Variants in WDR1 observed in about 807,000 individuals in gnomAD.
The protein encoded by WDR1 is WD repeat-containing protein 1.
WDR1 carries 21 observed loss-of-function variants against 71.9 expected under a neutral mutation model. The observed-to-expected ratio is 0.29, with a 90% CI of 0.21 to 0.42. WDR1 has a LOEUF of 0.42. Among genes scored for constraint, WDR1 ranks in the 10% least tolerant of loss-of-function variants. The probability of loss-of-function intolerance (pLI) is 1.00; values close to 1 mark genes in which losing one functional copy is unlikely to be tolerated. For synonymous variants in WDR1, 424 were observed against 347.4 expected (o/e 1.22, Z -2.45); for missense variants, 696 against 824.5 (o/e 0.84, Z 1.91).
intron 14 of WDR1, chr4:10,075,790 A>G (rs1764778609): frequency 2.0e-6 from 1 of 491,102 alleles, no homozygotes; most frequent in Non-Finnish European, 3.7e-6. Flanking sequence ...GTTCCACAGG[A>G]GTGAAATAAC....
chr4:10,077,760 C>T lies in WDR1; in HGVS notation c.1562G>A (p.Gly521Asp), dbSNP rs1271079871. Residue 521 changes from glycine (G) to aspartate (D), a missense_variant, in exon 13 of 15, where the codon GGC becomes GAC. Physicochemically the swap from Gly to Asp is moderately conservative, Grantham distance 94. Transcript: ENST00000499869. ...GAGCCCGCCGCCACTCACCGAGTAG[C>T]CGTCAGCAACGCTGAACACTGTGAC... Reference protein sequence around the residue: ...KVVTVFSVADGYSENNVFYGH... With the variant: ...KVVTVFSVADDYSENNVFYGH... 3.8e-6 allele frequency: 6 copies of T among 1,585,790 alleles called. No homozygotes were observed. The South Asian group carries it at 4.6e-5, about 12-fold the overall frequency.
At chr4:10,098,536 C>T (rs1712498183) in intron 4 of WDR1, among the ~76,000 whole-genome samples, 1 of 152,186 alleles carries the variant, frequency 6.6e-6, no homozygotes, top group South Asian at 2.1e-4. Context: ...TCAGTAGCCA[C>T]CCAGTGCCAC....
chr4:10,097,991 G>T (rs1284285666), intron 4 of WDR1, 100 bp from the exon 5 acceptor site: 6 of 1,256,288 alleles, frequency 4.8e-6, no homozygotes, highest in South Asian at 1.6e-5. Flanking sequence ...GTGCACAGAG[G>T]ATGGAGTGAC....
In WDR1 at chr4:10,075,091, G is replaced by C. The variant is rs1230374778; in HGVS notation, c.*287C>G. ...TGTGCTTTGGAGGCTACTGCCTCTGGAATGTTTCGCATTCTCAAGGTTTGG... is the reference window on the plus strand; with the variant it reads ...TGTGCTTTGGAGGCTACTGCCTCTGCAATGTTTCGCATTCTCAAGGTTTGG... On this transcript the variant is annotated 3_prime_UTR_variant, in exon 15 of 15. Transcript: ENST00000499869. 4.2e-6 allele frequency: 2 copies of C among 478,070 alleles called. No homozygotes were observed. The highest frequency in any genetic ancestry group is 3.7e-5 in the Admixed American group (1 of 27,098). The allele number at this position is 478,070 out of a possible 1,614,324, so 29.6% of individuals were successfully genotyped here.
At chr4:10,112,365 T>C (rs1713435464) in intron 2 of WDR1, among the ~76,000 whole-genome samples, 1 of 152,150 alleles carries the variant, frequency 6.6e-6, no homozygotes, top group African/African-American at 2.4e-5. Flanking sequence ...CTAATGTCTC[T>C]CAAACACAGT....
chr4:10,110,874 A>G (rs148324808), intron 2 of WDR1, among the ~76,000 whole-genome samples: 62 of 152,338 alleles, frequency 4.1e-4, no homozygotes, highest in African/African-American at 1.5e-3. Context: ...ACGTTGCCAG[A>G]TATCCCTCAG....
intron 5 of WDR1, among the ~76,000 whole-genome samples, chr4:10,090,132 C>T (rs1482331589): frequency 6.6e-6 from 1 of 152,138 alleles, no homozygotes; most frequent in East Asian, 1.9e-4. Flanking sequence ...GGAGTGCGTC[C>T]CTGCCCACAC....
rs757524112 is a variant in WDR1, at chr4:10,075,349, G to T, written c.*29C>A. The T allele has an allele frequency of 1.9e-6, 3 of 1,598,630 alleles. No homozygotes were observed. In the Admixed American group the frequency reaches 5.0e-5, roughly 27 times the overall value. ...GCAGTTAAACTCTAGTCCCTGATTC[G>T]GTCCATCCAGAGGCGGGGGTGGGGC... is the stretch of plus-strand genomic sequence containing the variant. On this transcript the variant is annotated 3_prime_UTR_variant, in exon 15 of 15. Coordinates refer to ENST00000499869, the MANE Select transcript of WDR1 (RefSeq NM_017491.5).
At chr4:10,088,499 G>C (rs1258595634) in intron 6 of WDR1, 126 bp from the exon 7 acceptor site, 15 of 1,163,060 alleles carry the variant, frequency 1.3e-5, no homozygotes, top group Non-Finnish European at 1.8e-5. Context: ...TGGTTTAAAA[G>C]CAGACATGCA....
rs892800213 is a variant in WDR1, at chr4:10,116,748, G to C, written c.-82C>G. 159 of 1,260,192 alleles carry C rather than the reference G, an allele frequency of 1.3e-4. 1 individual carries two copies. Among genetic ancestry groups the C allele is most frequent in the Non-Finnish European group, 1.5e-4 (151 of 999,242 alleles). 78.1% of individuals were successfully genotyped at this position (1,260,192 alleles called of 1,614,324 possible). A position where few individuals can be genotyped will look rare whatever the true frequency, so the allele number is the denominator to read the frequency against. ...CTGCGAATTACACCTCGCCGAGGCC[G>C]AGCCCGGGGACTGGAGCCGGAAGGC... On this transcript the variant is annotated 5_prime_UTR_variant, in exon 1 of 15. Transcript: ENST00000499869.
intron 9 of WDR1, among the ~76,000 whole-genome samples, 178 bp downstream of exon 9, chr4:10,084,265 C>G (rs1245281866): frequency 6.6e-6 from 1 of 152,170 alleles, no homozygotes; most frequent in Non-Finnish European, 1.5e-5. Flanking sequence ...CTCCAGGGGA[C>G]AGTTGCCTGT....
chr4:10,093,286 G>T, intron 5 of WDR1: 1 of 466,880 alleles, frequency 2.1e-6, no homozygotes, highest in Non-Finnish European at 3.7e-6. Context: ...CCTATGAGCT[G>T]GTAGAAGGGG....
intron 2 of WDR1, chr4:10,106,412 G>T (rs1430247444): frequency 6.6e-6 from 1 of 152,356 alleles, no homozygotes; most frequent in Non-Finnish European, 1.5e-5. Flanking sequence ...CCAAGACCCT[G>T]TTCGGTGTAC....
At chr4:10,111,749 G>C (rs925328168) in intron 2 of WDR1, among the ~76,000 whole-genome samples, 3 of 152,102 alleles carry the variant, frequency 2.0e-5, no homozygotes, top group Non-Finnish European at 2.9e-5. Flanking sequence ...GCATGTGAAT[G>C]GTGGCAGCTC....
chr4:10,103,778 CCCCACCCCCCACCTCCCTCCTCCCACTCT>C, intron 3 of WDR1, 89 bp downstream of exon 3: 2 of 245,600 alleles, frequency 8.1e-6, no homozygotes, highest in Non-Finnish European at 1.6e-5. Flanking sequence ...CAGCCTGCTC[CCCCACCCCCCACCTCCCTCCTCCCACTCT>C]CCCAAGGCCA....
At chr4:10,115,127 T>A (rs1170723922) in intron 2 of WDR1, among the ~76,000 whole-genome samples, 1 of 152,142 alleles carries the variant, frequency 6.6e-6, no homozygotes, top group Non-Finnish European at 1.5e-5. Context: ...AAAACATACA[T>A]CTTTGTGCCA....
At chr4:10,115,160 C>A (rs796821496) in intron 2 of WDR1, among the ~76,000 whole-genome samples, 1 of 152,244 alleles carries the variant, frequency 6.6e-6, no homozygotes, top group Non-Finnish European at 1.5e-5. Context: ...AAGCACAGCA[C>A]AGGAGAAATC....
chr4:10,093,072 A>G (rs1345739724), intron 5 of WDR1: 2 of 1,289,306 alleles, frequency 1.6e-6, no homozygotes, highest in African/African-American at 3.0e-5. Flanking sequence ...TGAAGCACTG[A>G]GGTCATAATT....
At chr4:10,084,037 G>A (rs181280217) in intron 9 of WDR1, among the ~76,000 whole-genome samples, 21 of 152,322 alleles carry the variant, frequency 1.4e-4, no homozygotes, top group African/African-American at 4.1e-4. Context: ...GGGACCCAAC[G>A]TAAGGGTGTC....
Sources: allele counts gnomAD v4.1 joint callset (sites outside exome capture counted in the v4.1 genomes callset), GRCh38; gene constraint gnomAD v4.1.1; transcripts MANE v1.5; gene names NCBI Gene and HGNC (gene_info 2026-07-23, HGNC 2026-07-21).